Variants in SFXN1 observed in about 807,000 individuals in gnomAD.
The protein encoded by SFXN1 is sideroflexin-1.
In SFXN1, 32 loss-of-function variants were observed where a neutral mutation model predicts 39.5. The ratio of observed to expected loss-of-function variants is 0.81; its 90% confidence interval spans 0.61 to 1.09. SFXN1 has a LOEUF of 1.09. Ranked by LOEUF, SFXN1 falls within the 50% of genes least tolerant of loss-of-function variation. The pLI, the probability that SFXN1 is intolerant of heterozygous loss-of-function variation, is 0.00. For synonymous variants in SFXN1, 136 were observed against 146.5 expected (o/e 0.93, Z 0.52); for missense variants, 402 against 407.1 (o/e 0.99, Z 0.11).
rs1761084692 is a variant in SFXN1 at position 175,526,954 on chromosome 5, T to C, written c.*220T>C. 1.8e-6 allele frequency: 1 copy of C among 543,386 alleles called. No homozygotes were observed. The highest frequency in any genetic ancestry group is 2.6e-5 in the South Asian group (1 of 38,616). 33.7% of individuals were successfully genotyped at this position (543,386 alleles called of 1,614,324 possible). A position where few individuals can be genotyped will look rare whatever the true frequency, so the allele number is the denominator to read the frequency against. ...TGAATCATGTTATGATTTATAGAAA[T>C]ACCTTTCCTGTAGCTTTTATAGTCA... On this transcript the variant is annotated 3_prime_UTR_variant, in exon 11 of 11. Coordinates refer to ENST00000321442, the MANE Select transcript of SFXN1 (RefSeq NM_022754.7).
At chr5:175,520,636 TTAG>T (rs1481528197) in intron 8 of SFXN1, among the ~76,000 whole-genome samples, 2 of 152,084 alleles carry the variant, frequency 1.3e-5, no homozygotes, top group Non-Finnish European at 2.9e-5. Context: ...GAGTAACAGG[TTAG>T]CCCAGTTTGC....
At chr5:175,513,376 G>A in intron 6 of SFXN1, 87 bp from the exon 7 acceptor site, 1 of 1,414,042 alleles carries the variant, frequency 7.1e-7, no homozygotes, top group Non-Finnish European at 9.6e-7. Context: ...GAATTAAGTA[G>A]AGGGTTGATC....
chr5:175,526,964 G>A lies in SFXN1; in HGVS notation c.*230G>A. On this transcript the variant is annotated 3_prime_UTR_variant, in exon 11 of 11. Transcript: ENST00000321442. ...TATGATTTATAGAAATACCTTTCCT[G>A]TAGCTTTTATAGTCATTGTTTTTCA... 1.9e-6 allele frequency: 1 copy of A among 528,956 alleles called. No homozygotes were observed. Among genetic ancestry groups the A allele is most frequent in the African/African-American group, 1.9e-5 (1 of 52,676 alleles). 32.8% of individuals were successfully genotyped at this position (528,956 alleles called of 1,614,324 possible).
At chr5:175,504,047 G>A (rs1760195843) in intron 2 of SFXN1, among the ~76,000 whole-genome samples, 1 of 139,776 alleles carries the variant, frequency 7.2e-6, no homozygotes, top group African/African-American at 2.7e-5. Context: ...CTTAAAGAAA[G>A]AAAAGAGGGG....
At chr5:175,509,451 A>T (rs755068520) in intron 3 of SFXN1, 12 of 269,074 alleles carry the variant, frequency 4.5e-5, no homozygotes, top group South Asian at 1.5e-4. Flanking sequence ...GGTATTATTG[A>T]TGTAAAAGAA....
intron 8 of SFXN1, among the ~76,000 whole-genome samples, chr5:175,519,714 A>G (rs1015699914): frequency 2.6e-5 from 4 of 151,976 alleles, no homozygotes; most frequent in Non-Finnish European, 5.9e-5. Context: ...GGTGGTGAAT[A>G]TTTTCATTAT....
intron 8 of SFXN1, among the ~76,000 whole-genome samples, chr5:175,517,202 C>T (rs978159992): frequency 3.9e-5 from 6 of 152,164 alleles, no homozygotes; most frequent in East Asian, 3.9e-4. Context: ...CAGTTAGCCC[C>T]GTCTTAGCCC....
chr5:175,502,248 T>C (rs1051190742), intron 2 of SFXN1, among the ~76,000 whole-genome samples: 2 of 152,158 alleles, frequency 1.3e-5, no homozygotes, highest in African/African-American at 4.8e-5. Flanking sequence ...AGCCAGAGAC[T>C]GCATGACCCC....
At chr5:175,500,921 T>TA (rs1174216864) in intron 2 of SFXN1, among the ~76,000 whole-genome samples, 4 of 152,170 alleles carry the variant, frequency 2.6e-5, no homozygotes, top group Admixed American at 2.6e-4. Flanking sequence ...GATTCTTGTA[T>TA]AAAAAATGGA....
intron 2 of SFXN1, among the ~76,000 whole-genome samples, chr5:175,498,282 A>C (rs570212972): frequency 6.6e-6 from 1 of 152,218 alleles, no homozygotes; most frequent in African/African-American, 2.4e-5. Flanking sequence ...AAACCCTGCA[A>C]GGTACTTCCT....
intron 7 of SFXN1, among the ~76,000 whole-genome samples, chr5:175,516,264 C>T: frequency 6.6e-6 from 1 of 152,114 alleles, no homozygotes; most frequent in East Asian, 1.9e-4. Flanking sequence ...GGATTCTTTA[C>T]ACCATCCTCC....
Position 175,483,332 on chromosome 5 carries a change from C to G in SFXN1, c.-10+4693C>G, listed in dbSNP as rs182778124. Among the ~76,000 whole-genome samples, 75 of 152,250 alleles carry G rather than the reference C, an allele frequency of 4.9e-4. 1 individual carries two copies. Among genetic ancestry groups the G allele is most frequent in the African/African-American group, 1.7e-3 (71 of 41,546 alleles). ...TCTTCTTAGCATAAGTGGCATCAGC[C>G]AACCACAGAATTTTTTTAAGTCCCA... On this transcript the variant is annotated intron_variant, in intron 1 of 10. Transcript: ENST00000321442.
At chr5:175,512,387 G>T (rs115818927) in intron 6 of SFXN1, among the ~76,000 whole-genome samples, 191 bp downstream of exon 6, 1 of 152,274 alleles carries the variant, frequency 6.6e-6, no homozygotes, top group South Asian at 2.1e-4. Flanking sequence ...CAAGCTTAGC[G>T]ATGAGTTACT....
chr5:175,492,404 A>G, intron 2 of SFXN1, 137 bp downstream of exon 2: 1 of 763,698 alleles, frequency 1.3e-6, no homozygotes. Flanking sequence ...AAAAAAAAGG[A>G]AGAAAAGAGT....
intron 1 of SFXN1, among the ~76,000 whole-genome samples, chr5:175,489,847 ACATGAGAC>A (rs1759592466): frequency 1.3e-5 from 2 of 152,198 alleles, no homozygotes; most frequent in Admixed American, 1.3e-4. Flanking sequence ...CTATGGCTGT[ACATGAGAC>A]CATGAGCCAT....
chr5:175,510,091 C>T lies in SFXN1; in HGVS notation c.336-18C>T. On this transcript the variant is annotated intron_variant, in intron 3 of 10. Transcript: ENST00000321442. Reference sequence around the variant, plus strand: ...GGGCCCAGTGATGGTGGGTATGTGACGGATGCCTCTGTTTTAGGACTACGC... The same window carrying T: ...GGGCCCAGTGATGGTGGGTATGTGATGGATGCCTCTGTTTTAGGACTACGC... 6 of 1,601,932 alleles carry T rather than the reference C, an allele frequency of 3.7e-6. No homozygotes were observed. The highest frequency in any genetic ancestry group is 2.2e-5 in the East Asian group (1 of 44,686).
intron 1 of SFXN1, among the ~76,000 whole-genome samples, chr5:175,490,491 C>T (rs1759615842): frequency 6.6e-6 from 1 of 152,114 alleles, no homozygotes; most frequent in South Asian, 2.1e-4. Context: ...CAAGAATGCC[C>T]AGCATTCACA....
At chr5:175,497,798 C>T (rs1277425674) in intron 2 of SFXN1, among the ~76,000 whole-genome samples, 2 of 151,884 alleles carry the variant, frequency 1.3e-5, no homozygotes, top group Non-Finnish European at 2.9e-5. Context: ...GGTGAGGTGG[C>T]GGGCACCTGT....
intron 1 of SFXN1, among the ~76,000 whole-genome samples, chr5:175,488,808 A>C (rs1263099312): frequency 6.6e-6 from 1 of 152,138 alleles, no homozygotes; most frequent in Non-Finnish European, 1.5e-5. Flanking sequence ...AGGTGGGAGG[A>C]TCAGCTGAGC....
Sources: gnomAD v4.1 joint callset for allele counts (sites outside exome capture counted in the v4.1 genomes callset) on GRCh38, gnomAD v4.1.1 for gene constraint, MANE v1.5 for transcripts, NCBI Gene and HGNC (gene_info 2026-07-23, HGNC 2026-07-21) for gene names.